ARMH3: variants seen among roughly 807,000 people sequenced by gnomAD.
ARMH3 encodes armadillo-like helical domain-containing protein 3.
In ARMH3, 60 loss-of-function variants were observed where a neutral mutation model predicts 99.1. The ratio of observed to expected loss-of-function variants is 0.61; its 90% CI spans 0.49 to 0.75. The LOEUF (loss-of-function observed/expected upper bound fraction) is 0.75, where lower values mean the gene tolerates loss of function less well. Among genes scored for constraint, ARMH3 ranks in the 30% least tolerant of loss-of-function variants. The pLI, the probability that ARMH3 is intolerant of heterozygous loss-of-function variation, is 0.00. For synonymous variants in ARMH3, 285 were observed against 292.8 expected (o/e 0.97, Z 0.27); for missense variants, 679 against 843.1 (o/e 0.81, Z 2.41).
intron 1 of ARMH3, among the ~76,000 whole-genome samples, chr10:102,045,173 T>C (rs1048644381): frequency 6.6e-6 from 1 of 150,720 alleles, no homozygotes; most frequent in African/African-American, 2.4e-5. Flanking sequence ...GTAAATAGTT[T>C]AGGGGGAAAA....
intron 8 of ARMH3, 105 bp from the exon 9 acceptor site, chr10:102,014,129 T>C (rs999086081): frequency 1.3e-6 from 1 of 797,544 alleles, no homozygotes; most frequent in Non-Finnish European, 2.0e-6. Context: ...GCCCTCTCTC[T>C]ACAGTGATGC....
At chr10:101,926,028 C>T (rs370384370) in intron 23 of ARMH3, among the ~76,000 whole-genome samples, 2 of 152,252 alleles carry the variant, frequency 1.3e-5, no homozygotes, top group South Asian at 2.1e-4. Context: ...GAGATTTATG[C>T]TTTGGGAAGG....
chr10:101,867,419 G>C (rs2067029264), intron 24 of ARMH3, among the ~76,000 whole-genome samples: 1 of 152,198 alleles, frequency 6.6e-6, no homozygotes, highest in African/African-American at 2.4e-5. Context: ...GACCTTTAAG[G>C]CTCATTACAT....
At chr10:101,950,735 T>G (rs138330093) in intron 22 of ARMH3, among the ~76,000 whole-genome samples, 43 of 152,328 alleles carry the variant, frequency 2.8e-4, no homozygotes, top group African/African-American at 9.6e-4. Flanking sequence ...TTATATAAAA[T>G]GTCCAGAATA....
chr10:101,866,582 C>T (rs1267444591), intron 24 of ARMH3, among the ~76,000 whole-genome samples: 2 of 151,784 alleles, frequency 1.3e-5, no homozygotes, highest in South Asian at 2.1e-4. Context: ...TTGCAAAATA[C>T]CTTTTTATCT....
intron 20 of ARMH3, among the ~76,000 whole-genome samples, chr10:101,971,095 C>CAAA (rs71472590): frequency 4.2e-4 from 14 of 33,226 alleles, no homozygotes; most frequent in East Asian, 1.6e-3. Flanking sequence ...AGACCGTCTC[C>CAAA]AAAAAAAAAA....
At chr10:101,976,829 C>G (rs1336185400) in intron 19 of ARMH3, among the ~76,000 whole-genome samples, 4 of 151,880 alleles carry the variant, frequency 2.6e-5, no homozygotes, top group Non-Finnish European at 4.4e-5. Context: ...TTTTTTTGTA[C>G]TTTTAGTACA....
intron 1 of ARMH3, among the ~76,000 whole-genome samples, chr10:102,045,266 C>G (rs1371751344): frequency 6.6e-6 from 1 of 151,922 alleles, no homozygotes. Context: ...ACTGGGAACA[C>G]AGCAGTAAAC....
At chr10:101,883,791 A>C (rs1000971006) in intron 24 of ARMH3, among the ~76,000 whole-genome samples, 1 of 152,088 alleles carries the variant, frequency 6.6e-6, no homozygotes, top group East Asian at 1.9e-4. Flanking sequence ...CAGGAGTTCG[A>C]GACTAGCCTG....
rs573867509 is a variant in ARMH3 at position 101,918,769 on chromosome 10, T to G, written c.1781+21094A>C. The stretch of plus-strand genomic sequence containing the variant: ...GATTTCCCTTTAAGGAAGTCACATT[T>G]ATCATTTGTAATGTATCCCTAACTC... On this transcript the variant is annotated intron_variant, in intron 23 of 25. Coordinates refer to ENST00000370033, the MANE Select transcript of ARMH3 (RefSeq NM_024541.3). Among the ~76,000 whole-genome samples the G allele has an allele frequency of 3.3e-5, 5 of 152,350 alleles. No homozygotes were observed. The East Asian group carries it at 7.7e-4, about 24-fold the overall frequency.
intron 8 of ARMH3, among the ~76,000 whole-genome samples, chr10:102,020,934 G>C (rs1262215285): frequency 6.6e-6 from 1 of 151,412 alleles, no homozygotes; most frequent in Non-Finnish European, 1.5e-5. Flanking sequence ...GACTCACCCA[G>C]AGCAATTTCC....
At chr10:101,880,691 C>A (rs532520089) in intron 24 of ARMH3, among the ~76,000 whole-genome samples, 4 of 152,100 alleles carry the variant, frequency 2.6e-5, no homozygotes, top group Non-Finnish European at 5.9e-5. Context: ...TTTACTAGTA[C>A]GCCAAGGACC....
At chr10:102,014,165 T>A (rs1590184585) in intron 8 of ARMH3, 141 bp from the exon 9 acceptor site, 1 of 620,746 alleles carries the variant, frequency 1.6e-6, no homozygotes, top group Non-Finnish European at 2.8e-6. Context: ...CCAATCCATA[T>A]TGCCTGCTGA....
At chr10:102,037,463 C>T (rs889802409) in intron 2 of ARMH3, among the ~76,000 whole-genome samples, 1 of 151,998 alleles carries the variant, frequency 6.6e-6, no homozygotes, top group Admixed American at 6.6e-5. Flanking sequence ...GGATTACAGG[C>T]GTGAGCCACC....
intron 22 of ARMH3, among the ~76,000 whole-genome samples, chr10:101,946,849 A>G (rs1271429561): frequency 6.6e-6 from 1 of 151,942 alleles, no homozygotes; most frequent in Non-Finnish European, 1.5e-5. Context: ...TTGTGCATAG[A>G]TATATTACAA....
At chr10:101,985,225 C>A (rs1325000730) in intron 19 of ARMH3, among the ~76,000 whole-genome samples, 3 of 143,244 alleles carry the variant, frequency 2.1e-5, no homozygotes, top group Non-Finnish European at 4.5e-5. Context: ...TATATATATA[C>A]GTATATACAT....
At chr10:101,944,624 G>A (rs188651603) in intron 22 of ARMH3, among the ~76,000 whole-genome samples, 56 of 152,016 alleles carry the variant, frequency 3.7e-4, no homozygotes, top group East Asian at 5.8e-4. Flanking sequence ...GACCAGCCTG[G>A]CCAACATGGC....
At chr10:102,044,755 T>C (rs1426989006) in intron 1 of ARMH3, among the ~76,000 whole-genome samples, 1 of 151,672 alleles carries the variant, frequency 6.6e-6, no homozygotes, top group Non-Finnish European at 1.5e-5. Context: ...GATGCTAAGG[T>C]AAACATCCTA....
chr10:102,016,374 G>A (rs1370149828), intron 8 of ARMH3, among the ~76,000 whole-genome samples: 5 of 152,000 alleles, frequency 3.3e-5, no homozygotes. Context: ...TTTTCTCCTG[G>A]GGTTGCTAAA....
Sources: gnomAD v4.1 joint callset for allele counts (sites outside exome capture counted in the v4.1 genomes callset) on GRCh38, gnomAD v4.1.1 for gene constraint, MANE v1.5 for transcripts, NCBI Gene and HGNC (gene_info 2026-07-23, HGNC 2026-07-21) for gene names.